The following XIST variants were observed in gnomAD, a reference collection of about 807,000 sequenced individuals.
XIST encodes the protein X inactive specific transcript (non-protein coding).
At position 73,849,739 on chromosome X, in the gene XIST, G is replaced by T. The variant is rs189433885; in HGVS notation, n.2985C>A. 5.1e-5 allele frequency: 28 copies of T among 552,087 alleles called. No homozygotes were observed. The African/African-American group carries it at 5.5e-4, about 11-fold the overall frequency. 45.5% of individuals were successfully genotyped at this position (552,087 alleles called of 1,213,427 possible). ...GTAAACGGAATATCCCAGTATAATA[G>T]GATAAGCAATGGACAACTTATTTTG... is the stretch of plus-strand genomic sequence containing the variant. On this transcript the variant is annotated non_coding_transcript_exon_variant, in exon 1 of 6. Transcript: ENST00000429829.
exon 1 of XIST, chrX:73,846,446 T>C: frequency 1.8e-6 from 1 of 557,688 alleles, no homozygotes. Context: ...CCCAGACGAT[T>C]ATAATCACAC....
At position 73,823,978 on chromosome X, in the gene XIST, G is replaced by C. The variant is rs778022804; in HGVS notation, n.15923C>G. 9.1e-6 allele frequency: 5 copies of C among 552,312 alleles called. No individual in the cohort carries two copies. The Admixed American group carries it at 1.1e-4, about 12-fold the overall frequency. The allele number at this position is 552,312 out of a possible 1,213,427, so 45.5% of individuals were successfully genotyped here. On this transcript the variant is annotated non_coding_transcript_exon_variant, in exon 6 of 6. Transcript: ENST00000429829. ...CATTCCTATCTGTATAGAACTGTAG[G>C]CTTTGTAAATCTACACATAGATCTC...
exon 6 of XIST, chrX:73,825,145 CACA>C (rs1320036025): frequency 1.9e-6 from 1 of 523,882 alleles, no homozygotes; most frequent in Non-Finnish European, 3.4e-6. Context: ...TATAGGTGAC[CACA>C]ACAAGCTTAG....
rs762162264 is a variant in XIST at position 73,838,680 on chromosome X, G to A, written n.11343-1177C>T. Among the ~76,000 whole-genome samples the A allele has an allele frequency of 5.3e-4, 59 of 110,950 alleles. 1 individual carries two copies. Among genetic ancestry groups the A allele is most frequent in the Non-Finnish European group, 8.5e-4 (45 of 52,784 alleles). On this transcript the variant is annotated intron_variant and non_coding_transcript_variant, in intron 1 of 5. Coordinates refer to ENST00000429829, the Ensembl canonical transcript of XIST. ...TCACCAACAAAAACATGACCAACTC[G>A]ACAGCCTAATACACATATATATAGT...
At chrX:73,843,009 A>C (rs1452073108) in exon 1 of XIST, 2 of 556,721 alleles carry the variant, frequency 3.6e-6, no homozygotes, top group Non-Finnish European at 6.5e-6. Context: ...GGTTGGGAGT[A>C]TGGACCACTG....
chrX:73,828,101 CAA>C (rs1922305116), intron 5 of XIST: 6 of 436,662 alleles, frequency 1.4e-5, no homozygotes, highest in Non-Finnish European at 2.4e-5. Context: ...TAAAAAAAAT[CAA>C]AAAGTGTCAT....
chrX:73,845,726 G>A (rs1234944162), exon 1 of XIST: 1 of 550,749 alleles, frequency 1.8e-6, no homozygotes, highest in Non-Finnish European at 3.3e-6. Flanking sequence ...GCATGGCTGT[G>A]GTCACTTATA....
chrX:73,837,173 G>A (rs1030819199), intron 2 of XIST, among the ~76,000 whole-genome samples: 3 of 111,441 alleles, frequency 2.7e-5, no homozygotes, highest in Non-Finnish European at 3.8e-5. Flanking sequence ...TTTTACGCTG[G>A]AGAAACCTGA....
Position 73,847,393 on chromosome X carries a change from C to A in XIST, n.5331G>T. On this transcript the variant is annotated non_coding_transcript_exon_variant, in exon 1 of 6. Transcript: ENST00000429829. ...GTGTGAGGGGGATGGGATTCCAGGG[C>A]AATTGTCTTACTTTTTTTTTTTTTT... is the stretch of plus-strand genomic sequence containing the variant. The A allele has an allele frequency of 3.9e-6, 2 of 510,789 alleles. 1 individual carries two copies. The highest frequency in any genetic ancestry group is 5.0e-5 in the South Asian group (2 of 40,260). 42.1% of individuals were successfully genotyped at this position (510,789 alleles called of 1,213,427 possible). A position where few individuals can be genotyped will look rare whatever the true frequency, so the allele number is the denominator to read the frequency against.
chrX:73,825,375 T>C (rs1922226337), exon 6 of XIST: 1 of 559,016 alleles, frequency 1.8e-6, no homozygotes, highest in South Asian at 2.2e-5. Context: ...CTTGCTCCTT[T>C]CTTTGTATCC....
At chrX:73,838,568 T>C (rs1187532040) in intron 1 of XIST, among the ~76,000 whole-genome samples, 2 of 110,982 alleles carry the variant, frequency 1.8e-5, no homozygotes, top group African/African-American at 6.5e-5. Context: ...CCAAACTCAT[T>C]TGTATAAGAT....
At chrX:73,844,003 A>G (rs753054868) in exon 1 of XIST, 3 of 559,117 alleles carry the variant, frequency 5.4e-6, no homozygotes, top group Non-Finnish European at 3.2e-6. Flanking sequence ...CAAAAGAGGT[A>G]TAATGGTCCT....
chrX:73,852,377 G>A (rs758242680), exon 1 of XIST: 2 of 548,345 alleles, frequency 3.6e-6, no homozygotes, highest in Non-Finnish European at 6.6e-6. Context: ...CCGCAGCCCC[G>A]ATGGGCAAAA....
exon 1 of XIST, chrX:73,843,930 A>T (rs761895834): frequency 3.6e-6 from 2 of 557,762 alleles, no homozygotes; most frequent in Admixed American, 4.4e-5. Context: ...AGAAAATTTC[A>T]ATTATATGTT....
chrX:73,843,595 T>C (rs2147704357), exon 1 of XIST: 1 of 558,730 alleles, frequency 1.8e-6, no homozygotes, highest in Non-Finnish European at 3.2e-6. Context: ...AGGTGGACAA[T>C]TGCATTAATG....
exon 6 of XIST, chrX:73,824,622 C>T (rs766384240): frequency 1.1e-5 from 6 of 551,992 alleles, no homozygotes; most frequent in South Asian, 2.3e-5. Flanking sequence ...AGAGACAATA[C>T]CTAGCTTACA....
exon 6 of XIST, chrX:73,823,657 C>T: frequency 1.8e-6 from 1 of 558,803 alleles, no homozygotes; most frequent in South Asian, 2.2e-5. Flanking sequence ...TGGAAGACCA[C>T]AACACCTTGT....
At chrX:73,825,574 T>A in exon 6 of XIST, 1 of 515,138 alleles carries the variant, frequency 1.9e-6, no homozygotes. Flanking sequence ...CAGGGGGTGG[T>A]AAGCTATGAA....
exon 1 of XIST, chrX:73,852,397 G>A (rs1454073796): frequency 5.5e-6 from 3 of 544,764 alleles, no homozygotes; most frequent in Non-Finnish European, 9.9e-6. Context: ...ATATAGAAAA[G>A]AGAGTGGAAG....
Sources: gnomAD v4.1 joint callset for allele counts (sites outside exome capture counted in the v4.1 genomes callset) on GRCh38, gnomAD v4.1.1 for gene constraint, MANE v1.5 for transcripts, NCBI Gene and HGNC (gene_info 2026-07-23, HGNC 2026-07-21) for gene names.